Variants in AVEN observed in about 807,000 individuals in gnomAD.
The protein encoded by AVEN is apoptosis and caspase activation inhibitor.
Under a neutral mutation model 38.1 loss-of-function variants are expected in AVEN, and 41 were observed. The ratio of observed to expected loss-of-function variants is 1.08; its 90% CI spans 0.84 to 1.40. AVEN has a LOEUF of 1.40. Ranked by LOEUF, AVEN falls within the 40% of genes most tolerant of loss-of-function variation. The pLI is 0.00. For synonymous variants in AVEN, 206 were observed against 171.8 expected (o/e 1.20, Z -1.56); for missense variants, 605 against 438.8 (o/e 1.38, Z -3.38).
chr15:34,016,889 G>A (rs1897937702), intron 1 of AVEN, among the ~76,000 whole-genome samples: 1 of 152,150 alleles, frequency 6.6e-6, no homozygotes, highest in Non-Finnish European at 1.5e-5. Flanking sequence ...AGCACTTTGG[G>A]AGGCCAAGGT....
chr15:34,039,406 T>C (rs1899366072), upstream of AVEN, among the ~76,000 whole-genome samples: 1 of 17,680 alleles, frequency 5.7e-5, no homozygotes, highest in African/African-American at 1.2e-4. Flanking sequence ...TGATGTGAAC[T>C]CTCGGAAAAA....
At chr15:34,022,574 G>A (rs1898250057) in intron 1 of AVEN, among the ~76,000 whole-genome samples, 1 of 152,134 alleles carries the variant, frequency 6.6e-6, no homozygotes, top group Non-Finnish European at 1.5e-5. Context: ...TTTGAGGCTG[G>A]GCCACAGCCT....
intron 2 of AVEN, among the ~76,000 whole-genome samples, chr15:33,905,839 A>G (rs1892680551): frequency 6.6e-6 from 1 of 151,842 alleles, no homozygotes; most frequent in African/African-American, 2.4e-5. Context: ...AAAAAAAAAA[A>G]AAAAGGTAAA....
chr15:33,962,955 A>C (rs1170830355), intron 2 of AVEN, among the ~76,000 whole-genome samples: 1 of 133,038 alleles, frequency 7.5e-6, no homozygotes, highest in Non-Finnish European at 1.6e-5. Flanking sequence ...AAAAAAAAAA[A>C]AATTCTCATA....
At chr15:33,983,781 A>G (rs1896298474) in intron 2 of AVEN, among the ~76,000 whole-genome samples, 1 of 152,152 alleles carries the variant, frequency 6.6e-6, no homozygotes, top group African/African-American at 2.4e-5. Flanking sequence ...GAGGTTTCTA[A>G]GTGGTAACTA....
At chr15:34,035,405 A>C (rs186213008) in intron 1 of AVEN, among the ~76,000 whole-genome samples, 128 of 152,354 alleles carry the variant, frequency 8.4e-4, no homozygotes, top group African/African-American at 3.0e-3. Context: ...GGCATGTGAA[A>C]GAATCACTCA....
chr15:33,963,259 T>C (rs915016237), intron 2 of AVEN, among the ~76,000 whole-genome samples: 1 of 152,214 alleles, frequency 6.6e-6, no homozygotes, highest in African/African-American at 2.4e-5. Context: ...AATCAGAATA[T>C]GTCCCTAAGA....
chr15:33,901,468 CAT>C (rs1310324478), intron 2 of AVEN, among the ~76,000 whole-genome samples: 1 of 152,282 alleles, frequency 6.6e-6, no homozygotes, highest in South Asian at 2.1e-4. Flanking sequence ...CTGAAATGAA[CAT>C]AGAGTACAGA....
chr15:34,008,942 ACG>A (rs749727485), intron 1 of AVEN, among the ~76,000 whole-genome samples: 102 of 46,398 alleles, frequency 2.2e-3, no homozygotes, highest in Middle Eastern at 0.01. Context: ...ACACACTCAC[ACG>A]TGCGCGCGCG....
chr15:34,071,237 C>T (rs945096325), intron 1 of AVEN, among the ~76,000 whole-genome samples: 4 of 152,140 alleles, frequency 2.6e-5, no homozygotes, highest in Admixed American at 1.3e-4. Flanking sequence ...ATGGCTCATA[C>T]TCAACTCACT....
At chr15:34,064,260 A>C (rs1340950180) in intron 4 of AVEN, 3 of 1,614,068 alleles carry the variant, frequency 1.9e-6, no homozygotes, top group Non-Finnish European at 2.5e-6. Context: ...CTGCCGATGG[A>C]AAAAGAAAAA....
chr15:34,031,937 A>T (rs998455766), intron 1 of AVEN, among the ~76,000 whole-genome samples: 1 of 152,132 alleles, frequency 6.6e-6, no homozygotes, highest in Non-Finnish European at 1.5e-5. Context: ...TTTCAGACTA[A>T]CAAAGCTGTT....
At position 33,999,378 on chromosome 15, in the gene AVEN, A is replaced by G. The variant is rs140987765; in HGVS notation, c.445+3654T>C. Among the ~76,000 whole-genome samples the G allele has an allele frequency of 3.7e-4, 56 of 152,308 alleles. No individual in the cohort carries two copies. The East Asian group carries it at 8.7e-3, about 24-fold the overall frequency. On this transcript the variant is annotated intron_variant, in intron 2 of 5. Transcript: ENST00000306730. ...TCAGTGCTTTCATTAGACTCTACAC[A>G]TACCTTTGTAAATGATTCCTTTGTC... is the stretch of plus-strand genomic sequence containing the variant.
At chr15:33,877,960 T>TAATA (rs1393803477) in intron 2 of AVEN, among the ~76,000 whole-genome samples, 1 of 151,768 alleles carries the variant, frequency 6.6e-6, no homozygotes, top group Non-Finnish European at 1.5e-5. Flanking sequence ...AATAAATAAA[T>TAATA]AATAAATAAA....
intron 2 of AVEN, among the ~76,000 whole-genome samples, chr15:33,980,184 T>C (rs1896072785): frequency 6.6e-6 from 1 of 152,140 alleles, no homozygotes; most frequent in Admixed American, 6.5e-5. Context: ...TGAAGACACA[T>C]TAAAGTATGT....
intron 1 of AVEN, among the ~76,000 whole-genome samples, chr15:34,025,805 A>C (rs957350128): frequency 5.3e-5 from 8 of 149,628 alleles, no homozygotes; most frequent in Admixed American, 1.3e-4. Context: ...AAGCGGAGGA[A>C]GGAGAAAAAG....
chr15:34,053,317 AAAATAT>A (rs1461072977), intron 5 of AVEN, among the ~76,000 whole-genome samples: 1 of 73,814 alleles, frequency 1.4e-5, no homozygotes, highest in Non-Finnish European at 2.8e-5. Flanking sequence ...AAAAAAAAAA[AAAATAT>A]ATATATATAT....
At chr15:33,909,041 C>T (rs1035711581) in intron 2 of AVEN, among the ~76,000 whole-genome samples, 1 of 152,202 alleles carries the variant, frequency 6.6e-6, no homozygotes, top group Non-Finnish European at 1.5e-5. Flanking sequence ...TTTTCTACCA[C>T]TCTGAGCTGC....
chr15:33,990,349 T>C (rs1896667731), intron 2 of AVEN, among the ~76,000 whole-genome samples: 1 of 151,914 alleles, frequency 6.6e-6, no homozygotes, highest in African/African-American at 2.4e-5. Context: ...GCCACTGCCC[T>C]CCAGCATGGG....
Sources: gnomAD v4.1 joint callset for allele counts (sites outside exome capture counted in the v4.1 genomes callset) on GRCh38, gnomAD v4.1.1 for gene constraint, MANE v1.5 for transcripts, NCBI Gene and HGNC (gene_info 2026-07-23, HGNC 2026-07-21) for gene names.